Variants in FRMD4B observed in about 807,000 individuals in gnomAD.
The protein encoded by FRMD4B is FERM domain-containing protein 4B.
In FRMD4B, 74 loss-of-function variants were observed where a neutral mutation model predicts 141.5. That is an observed-to-expected ratio of 0.52 (90% confidence interval 0.43 to 0.63). The LOEUF (loss-of-function observed/expected upper bound fraction) is 0.63. Ranked by LOEUF, FRMD4B falls within the 30% of genes least tolerant of loss-of-function variation. The probability of loss-of-function intolerance (pLI) is 0.00; values close to 1 mark genes in which losing one functional copy is unlikely to be tolerated. For synonymous variants in FRMD4B, 506 were observed against 467.9 expected, an observed-to-expected ratio of 1.08 and a Z score of -1.05; for missense variants, 1,366 against 1,253.4, an observed-to-expected ratio of 1.09 and a Z score of -1.36.
At chr3:69,245,904 C>A (rs1486582028) in intron 7 of FRMD4B, among the ~76,000 whole-genome samples, 1 of 129,876 alleles carries the variant, frequency 7.7e-6, no homozygotes, top group African/African-American at 2.9e-5. Context: ...ATGGTGTGAT[C>A]TCGGCTCACC....
At chr3:69,219,665 T>C (rs528753740) in intron 9 of FRMD4B, among the ~76,000 whole-genome samples, 10 of 152,102 alleles carry the variant, frequency 6.6e-5, no homozygotes, top group Admixed American at 6.5e-4. Flanking sequence ...GATGTGCAGG[T>C]TTGTTACATA....
intron 7 of FRMD4B, among the ~76,000 whole-genome samples, chr3:69,247,919 G>A (rs2093435361): frequency 1.3e-5 from 2 of 152,168 alleles, no homozygotes; most frequent in Admixed American, 6.5e-5. Context: ...AAAGTGCTGG[G>A]ATTACAGGCG....
chr3:69,439,672 T>G (rs918009723), intron 1 of FRMD4B, among the ~76,000 whole-genome samples: 10 of 152,218 alleles, frequency 6.6e-5, no homozygotes, highest in Non-Finnish European at 1.2e-4. Context: ...AACTAGGGAA[T>G]GACAACTTGC....
intron 1 of FRMD4B, among the ~76,000 whole-genome samples, chr3:69,474,827 ACGG>A (rs1258917333): frequency 6.6e-6 from 1 of 152,152 alleles, no homozygotes. Context: ...GATGTGGAAG[ACGG>A]ACTGTTTAAC....
intron 1 of FRMD4B, among the ~76,000 whole-genome samples, chr3:69,441,169 T>C (rs994308606): frequency 2.0e-5 from 3 of 152,188 alleles, no homozygotes; most frequent in Admixed American, 1.3e-4. Context: ...TACTGGAGCA[T>C]GATTATAGGA....
At chr3:69,261,252 C>G (rs998477003) in intron 5 of FRMD4B, among the ~76,000 whole-genome samples, 1 of 152,178 alleles carries the variant, frequency 6.6e-6, no homozygotes, top group Non-Finnish European at 1.5e-5. Flanking sequence ...AAGAAAGAAA[C>G]TCCGAACATC....
chr3:69,536,185 C>A, intron 1 of FRMD4B: 1 of 557,750 alleles, frequency 1.8e-6, no homozygotes, highest in Non-Finnish European at 3.3e-6. Flanking sequence ...CCTTCTTCAC[C>A]TTGCCCGCGT....
chr3:69,470,495 A>G (rs1354961410), intron 1 of FRMD4B, among the ~76,000 whole-genome samples: 1 of 151,156 alleles, frequency 6.6e-6, no homozygotes, highest in African/African-American at 2.5e-5. Context: ...AAGAACAAAG[A>G]GAAGTATGTC....
chr3:69,325,118 A>AAAGAAAGAAAG (rs1702151059), intron 1 of FRMD4B, among the ~76,000 whole-genome samples: 5 of 151,860 alleles, frequency 3.3e-5, no homozygotes, highest in African/African-American at 1.2e-4. Context: ...AGAAAGAAAG[A>AAAGAAAGAAAG]AAGAAAGAAA....
chr3:69,536,719 A>T (rs1471803875), intron 1 of FRMD4B: 1 of 657,642 alleles, frequency 1.5e-6, no homozygotes, highest in African/African-American at 1.8e-5. Flanking sequence ...TCCTTCAGTT[A>T]TGGTAAGGAC....
intron 21 of FRMD4B, among the ~76,000 whole-genome samples, chr3:69,179,767 A>G (rs1408339768): frequency 6.6e-6 from 1 of 152,234 alleles, no homozygotes; most frequent in Admixed American, 6.5e-5. Flanking sequence ...TTCATTTCTT[A>G]GCGTTTTAAA....
At position 69,224,589 on chromosome 3, in the gene FRMD4B, T is replaced by C. The variant is rs2093231961; in HGVS notation, c.665+18A>G. On this transcript the variant is annotated intron_variant, in intron 8 of 22. Coordinates refer to ENST00000398540, the MANE Select transcript of FRMD4B (RefSeq NM_015123.3). ...GAGGCTATGAAAATGAGACACCTGT[T>C]ATGTGGATTTGGCTTACCAGTAGGC... 8.1e-7 allele frequency: 1 copy of C among 1,239,448 alleles called. No homozygotes were observed. The highest frequency in any genetic ancestry group is 1.2e-6 in the Non-Finnish European group (1 of 846,130). The allele number at this position is 1,239,448 out of a possible 1,614,324, so 76.8% of individuals were successfully genotyped here.
rs375646457 is a variant in FRMD4B at position 69,247,372 on chromosome 3, C to G, written c.581+1854G>C. Among the ~76,000 whole-genome samples, 40 of 152,276 alleles carry G rather than the reference C, an allele frequency of 2.6e-4. No homozygotes were observed. In the East Asian group the frequency reaches 5.2e-3, roughly 20 times the overall value. ...CATTTACAAATTGACTTTAGAATCA[C>G]CTCCCGTATGATTTCTTATCCAGGG... is the stretch of plus-strand genomic sequence containing the variant. On this transcript the variant is annotated intron_variant, in intron 7 of 22. Coordinates refer to ENST00000398540, the MANE Select transcript of FRMD4B (RefSeq NM_015123.3).
At chr3:69,384,492 A>G (rs1357023271) in intron 1 of FRMD4B, among the ~76,000 whole-genome samples, 1 of 152,212 alleles carries the variant, frequency 6.6e-6, no homozygotes, top group East Asian at 1.9e-4. Context: ...GAGAGGAAAA[A>G]AAAGGCTTGA....
intron 1 of FRMD4B, among the ~76,000 whole-genome samples, chr3:69,323,591 T>TCA (rs1326026387): frequency 7.7e-6 from 1 of 130,482 alleles, no homozygotes; most frequent in Non-Finnish European, 1.6e-5. Flanking sequence ...AACCCAACTC[T>TCA]CTCTCTCTCT....
At chr3:69,200,198 C>T (rs891713128) in intron 11 of FRMD4B, among the ~76,000 whole-genome samples, 2 of 152,118 alleles carry the variant, frequency 1.3e-5, no homozygotes, top group Admixed American at 6.5e-5. Flanking sequence ...GGTTTCTATA[C>T]GTATGCAGGC....
intron 3 of FRMD4B, chr3:69,306,870 G>C (rs1701412826): frequency 6.6e-6 from 1 of 152,108 alleles, no homozygotes; most frequent in South Asian, 2.1e-4. Flanking sequence ...GTTTTACGGG[G>C]GCGAAGGGAG....
At chr3:69,413,284 T>C (rs1704791955) in intron 2 of FRMD4B, among the ~76,000 whole-genome samples, 1 of 152,212 alleles carries the variant, frequency 6.6e-6, no homozygotes, top group South Asian at 2.1e-4. Flanking sequence ...AATGACTCTA[T>C]AATGTAGGCA....
chr3:69,437,176 G>A (rs113358354), intron 1 of FRMD4B, among the ~76,000 whole-genome samples: 4,092 of 152,004 alleles, frequency 0.027, 150 homozygotes, highest in East Asian at 0.091. Context: ...AGGCTCAAGC[G>A]ACCCACCCAC....
Sources: allele counts gnomAD v4.1 joint callset (sites outside exome capture counted in the v4.1 genomes callset), GRCh38; gene constraint gnomAD v4.1.1; transcripts MANE v1.5; gene names NCBI Gene and HGNC (gene_info 2026-07-23, HGNC 2026-07-21).